The following TLN2 variants were observed in gnomAD, a reference collection of about 807,000 sequenced individuals.
The protein encoded by TLN2 is talin-2.
Under a neutral mutation model 294.7 loss-of-function variants are expected in TLN2, and 118 were observed. That is an observed-to-expected ratio of 0.40 (90% CI 0.34 to 0.47). The LOEUF is 0.47. Ranked by LOEUF, TLN2 falls within the 20% of genes least tolerant of loss-of-function variation. The probability of loss-of-function intolerance (pLI) is 0.84; values close to 1 mark genes in which losing one functional copy is unlikely to be tolerated. For missense variants in TLN2, 3,083 were observed against 3,282.2 expected (o/e 0.94, Z 1.48); for synonymous variants, 1,431 against 1,304.5 (o/e 1.10, Z -2.09).
At chr15:62,799,385 C>T (rs1031036315) in intron 48 of TLN2, among the ~76,000 whole-genome samples, 1 of 152,194 alleles carries the variant, frequency 6.6e-6, no homozygotes, top group Non-Finnish European at 1.5e-5. Flanking sequence ...GGACTGGGAA[C>T]GCTTAAATGC....
chr15:62,478,945 G>C (rs1042760938), intron 1 of TLN2, among the ~76,000 whole-genome samples: 2 of 152,212 alleles, frequency 1.3e-5, no homozygotes, highest in Non-Finnish European at 2.9e-5. Context: ...TCCATGGCCA[G>C]GTATGTGTTG....
chr15:62,843,008 G>A lies in TLN2; in HGVS notation c.*2398G>A, dbSNP rs1415476126. 6.6e-5 allele frequency: 10 copies of A among 152,302 alleles called. No individual in the cohort carries two copies. The highest frequency in any genetic ancestry group is 6.2e-4 in the South Asian group (3 of 4,822). 9.4% of individuals were successfully genotyped at this position (152,302 alleles called of 1,614,324 possible). ...GATGTTATTTAATAGGCACTACTGC[G>A]GTGTCCTCAGATGGTACTGAGGGGG... On this transcript the variant is annotated 3_prime_UTR_variant, in exon 59 of 59. Transcript: ENST00000636159.
chr15:62,708,894 G>C, intron 21 of TLN2, 98 bp downstream of exon 21: 1 of 1,401,890 alleles, frequency 7.1e-7, no homozygotes, highest in Non-Finnish European at 9.5e-7. Context: ...TGGATGACTG[G>C]CAAGGGCAAG....
At chr15:62,523,132 C>G (rs1431115233) in intron 1 of TLN2, among the ~76,000 whole-genome samples, 2 of 152,142 alleles carry the variant, frequency 1.3e-5, no homozygotes, top group Non-Finnish European at 2.9e-5. Context: ...TTCTCAGGAC[C>G]AGAAGTTTAT....
chr15:62,491,869 CTGTGGTCT>C (rs983369537), intron 1 of TLN2, among the ~76,000 whole-genome samples: 5 of 152,084 alleles, frequency 3.3e-5, no homozygotes, highest in African/African-American at 1.2e-4. Context: ...ATGATGTTTT[CTGTGGTCT>C]TGTTCAGGAA....
chr15:62,643,895 C>T (rs1017948077), intron 3 of TLN2, among the ~76,000 whole-genome samples: 1 of 152,140 alleles, frequency 6.6e-6, no homozygotes, highest in Admixed American at 6.5e-5. Flanking sequence ...AGGAAGGGCA[C>T]TTAGCTGTCC....
chr15:62,786,305 T>C (rs2064653961), intron 45 of TLN2, among the ~76,000 whole-genome samples: 3 of 152,222 alleles, frequency 2.0e-5, no homozygotes, highest in African/African-American at 7.2e-5. Flanking sequence ...CGCAGTCCGC[T>C]ATGCAAGGTC....
intron 39 of TLN2, 89 bp downstream of exon 39, chr15:62,762,542 A>G (rs2062740416): frequency 2.9e-6 from 4 of 1,373,968 alleles, no homozygotes; most frequent in South Asian, 1.3e-5. Flanking sequence ...CTTAATAGTG[A>G]TATTGTTGAT....
At chr15:62,703,648 CACAG>C (rs1445258744) in intron 19 of TLN2, among the ~76,000 whole-genome samples, 2 of 143,904 alleles carry the variant, frequency 1.4e-5, no homozygotes, top group African/African-American at 2.6e-5. Context: ...CACACACACA[CACAG>C]AGAAAGAGAG....
At position 62,731,130 on chromosome 15, in the gene TLN2, T is replaced by C. The variant is rs147686229; in HGVS notation, c.3358+3941T>C. On this transcript the variant is annotated intron_variant, in intron 28 of 58. Transcript: ENST00000636159. Reference sequence around the variant, plus strand: ...AGTATCATATTTTTCAGTTTTAGAATATCCATTTGATTATTTACTTATAGT... The same window carrying C: ...AGTATCATATTTTTCAGTTTTAGAACATCCATTTGATTATTTACTTATAGT... Among the ~76,000 whole-genome samples the C allele has an allele frequency of 5.7e-4, 87 of 152,340 alleles. 1 individual carries two copies. The highest frequency in any genetic ancestry group is 1.9e-3 in the African/African-American group (79 of 41,584).
At chr15:62,685,873 G>A (rs2057246237) in intron 11 of TLN2, among the ~76,000 whole-genome samples, 1 of 152,132 alleles carries the variant, frequency 6.6e-6, no homozygotes, top group Admixed American at 6.5e-5. Context: ...TCAAAAGTAT[G>A]TATATTTTGA....
At chr15:62,722,561 G>A in intron 26 of TLN2, 74 bp downstream of exon 26, 1 of 1,442,350 alleles carries the variant, frequency 6.9e-7, no homozygotes, top group Non-Finnish European at 9.2e-7. Context: ...CCCAGGGCCT[G>A]AACACTGCTG....
At chr15:62,468,825 A>T (rs930715093) in intron 1 of TLN2, among the ~76,000 whole-genome samples, 5 of 150,936 alleles carry the variant, frequency 3.3e-5, no homozygotes, top group Non-Finnish European at 7.4e-5. Context: ...GATGTTCATG[A>T]CAATTCTTTA....
intron 50 of TLN2, among the ~76,000 whole-genome samples, chr15:62,805,098 C>G (rs1350825416): frequency 1.3e-5 from 2 of 152,262 alleles, no homozygotes; most frequent in East Asian, 1.9e-4. Flanking sequence ...ATTTATAAGA[C>G]AGGCTAAGAA....
At chr15:62,689,453 C>G (rs1212544737) in intron 12 of TLN2, among the ~76,000 whole-genome samples, 3 of 152,152 alleles carry the variant, frequency 2.0e-5, no homozygotes, top group Non-Finnish European at 4.4e-5. Context: ...TTACACTTCC[C>G]TTTATTTTTA....
chr15:62,423,321 A>G (rs2034520696), intron 1 of TLN2, among the ~76,000 whole-genome samples: 1 of 152,110 alleles, frequency 6.6e-6, no homozygotes, highest in South Asian at 2.1e-4. Context: ...TGGGAGGTCG[A>G]GGTTGTGCCA....
At chr15:62,599,665 G>A (rs2046827265) in intron 2 of TLN2, among the ~76,000 whole-genome samples, 1 of 152,146 alleles carries the variant, frequency 6.6e-6, no homozygotes, top group African/African-American at 2.4e-5. Context: ...ATATTCTTCA[G>A]TTTATTTATC....
chr15:62,675,469 G>C (rs2056077264), intron 11 of TLN2, 148 bp downstream of exon 11: 1 of 737,294 alleles, frequency 1.4e-6, no homozygotes, highest in African/African-American at 1.8e-5. Flanking sequence ...GCGTTTAGCT[G>C]CCGCACAGGC....
intron 32 of TLN2, among the ~76,000 whole-genome samples, chr15:62,745,024 G>C (rs998364323): frequency 6.6e-6 from 1 of 152,118 alleles, no homozygotes; most frequent in Non-Finnish European, 1.5e-5. Context: ...TGCTAAATAG[G>C]TAATCAGAAG....
Sources: allele counts gnomAD v4.1 joint callset (sites outside exome capture counted in the v4.1 genomes callset), GRCh38; gene constraint gnomAD v4.1.1; transcripts MANE v1.5; gene names NCBI Gene and HGNC (gene_info 2026-07-23, HGNC 2026-07-21).